CCNI: variants seen among roughly 807,000 people sequenced by gnomAD.
The protein encoded by CCNI is cyclin I, also known as cyclin-I.
In CCNI, 14 loss-of-function variants were observed where a neutral mutation model predicts 34.1. The observed-to-expected ratio is 0.41, with a 90% CI of 0.27 to 0.64. The LOEUF (loss-of-function observed/expected upper bound fraction) is 0.64. Ranked by LOEUF, CCNI falls within the 30% of genes least tolerant of loss-of-function variation. The pLI is 0.31. For missense variants in CCNI, 385 were observed against 440.5 expected, an observed-to-expected ratio of 0.87 and a Z score of 1.13; for synonymous variants, 154 against 158.4, an observed-to-expected ratio of 0.97 and a Z score of 0.21.
intron 5 of CCNI, 72 bp from the exon 6 acceptor site, chr4:77,055,452 C>T: frequency 1.0e-6 from 1 of 1,001,304 alleles, no homozygotes; most frequent in Non-Finnish European, 1.5e-6. Flanking sequence ...ATTGATGCAA[C>T]CTATTCAATT....
chr4:77,064,232 A>G (rs1186619706), intron 2 of CCNI, among the ~76,000 whole-genome samples: 1 of 151,056 alleles, frequency 6.6e-6, no homozygotes, highest in Non-Finnish European at 1.5e-5. Flanking sequence ...AAAAAGAGAA[A>G]AAAACTCCTT....
chr4:77,049,903 A>C (rs1385442223), intron 6 of CCNI, among the ~76,000 whole-genome samples: 2 of 152,146 alleles, frequency 1.3e-5, no homozygotes, highest in African/African-American at 2.4e-5. Flanking sequence ...CTCACTTTCA[A>C]TTACAGCATT....
chr4:77,050,767 C>A (rs1313735167), intron 6 of CCNI, among the ~76,000 whole-genome samples: 2 of 151,308 alleles, frequency 1.3e-5, no homozygotes, highest in African/African-American at 4.9e-5. Flanking sequence ...GTAGAACAAG[C>A]TGAAACATGC....
At chr4:77,073,928 T>C (rs888667727) in intron 1 of CCNI, among the ~76,000 whole-genome samples, 7 of 152,240 alleles carry the variant, frequency 4.6e-5, no homozygotes, top group African/African-American at 1.7e-4. Context: ...GACTACCTAT[T>C]GTTCAAAGCG....
chr4:77,069,955 C>T (rs1388568897), intron 1 of CCNI, among the ~76,000 whole-genome samples: 3 of 151,710 alleles, frequency 2.0e-5, no homozygotes, highest in Admixed American at 6.6e-5. Context: ...TAGCTCCTCA[C>T]GATATTTTGC....
rs1727594895 is a variant in CCNI at position 77,048,453 on chromosome 4, G to C, written c.900C>G (p.Val300=). Residue 300 remains valine (V), a synonymous_variant, in exon 7 of 7, where the codon GTC becomes GTG. Coordinates refer to ENST00000237654, the MANE Select transcript of CCNI (RefSeq NM_006835.3). ...SKDNSKPEVP[V]RGTAAFYHHL... is the part of the protein sequence containing the mutation. The stretch of plus-strand genomic sequence containing the variant: ...GATGGTAAAAGGCTGCTGTACCTCT[G>C]ACTGGCACTTCTGGCTTGCTGTTGT... 3 of 1,613,986 alleles carry C rather than the reference G, an allele frequency of 1.9e-6. No homozygotes were observed. The highest frequency in any genetic ancestry group is 1.7e-6 in the Non-Finnish European group (2 of 1,180,026).
At chr4:77,051,892 A>G (rs981386674) in intron 6 of CCNI, among the ~76,000 whole-genome samples, 6 of 152,046 alleles carry the variant, frequency 3.9e-5, no homozygotes, top group Admixed American at 1.3e-4. Context: ...CTGCTGGAAT[A>G]GTCTGACCAC....
chr4:77,057,593 C>T (rs534922482), intron 3 of CCNI, among the ~76,000 whole-genome samples: 4 of 152,162 alleles, frequency 2.6e-5, no homozygotes, highest in South Asian at 2.1e-4. Flanking sequence ...CTTTTTCATG[C>T]CTTGCCATTA....
intron 1 of CCNI, 135 bp from the exon 2 acceptor site, chr4:77,066,540 G>T (rs1044257986): frequency 6.9e-6 from 4 of 576,454 alleles, no homozygotes; most frequent in Non-Finnish European, 1.2e-5. Context: ...TTAAAATATC[G>T]TATTAAAATA....
At chr4:77,052,073 T>C (rs898646173) in intron 6 of CCNI, among the ~76,000 whole-genome samples, 1 of 151,944 alleles carries the variant, frequency 6.6e-6, no homozygotes. Context: ...GTCAACCAGG[T>C]AGTGAGCACA....
At chr4:77,064,075 C>T (rs1417435517) in intron 2 of CCNI, among the ~76,000 whole-genome samples, 1 of 151,988 alleles carries the variant, frequency 6.6e-6, no homozygotes, top group East Asian at 1.9e-4. Flanking sequence ...AACCCTGTCC[C>T]TACTAAAAAT....
intron 1 of CCNI, among the ~76,000 whole-genome samples, chr4:77,072,595 G>T (rs1158467687): frequency 7.2e-6 from 1 of 139,076 alleles, no homozygotes; most frequent in Non-Finnish European, 1.5e-5. Flanking sequence ...TATGATTACA[G>T]CACCTCACTC....
rs202153959 is a variant in CCNI at position 77,055,270 on chromosome 4, G to A, written c.570C>T (p.Ala190=). 1.3e-5 allele frequency: 21 copies of A among 1,613,998 alleles called. No individual in the cohort carries two copies. In the East Asian group the frequency reaches 1.3e-4, roughly 10 times the overall value. ...CTCTGAATTGCAGAAGTTGGTTGCA[G>A]GCCATACAGTGAAGTAGTTGCTTGG... ...VLTKQLLHCM[A]CNQLLQFRGS... Residue 190 remains alanine (A), a synonymous_variant, in exon 6 of 7, where the codon GCC becomes GCT. Transcript: ENST00000237654.
intron 6 of CCNI, among the ~76,000 whole-genome samples, chr4:77,052,934 T>G (rs144524986): frequency 6.6e-6 from 1 of 152,312 alleles, no homozygotes; most frequent in African/African-American, 2.4e-5. Context: ...ATGACCTTCC[T>G]TTTCTTCACT....
chr4:77,056,585 ACT>A, intron 3 of CCNI: 1 of 294,512 alleles, frequency 3.4e-6, no homozygotes. Flanking sequence ...TCTAGAGCTA[ACT>A]TTTTTTTTTT....
At chr4:77,066,462 A>G in intron 1 of CCNI, 57 bp from the exon 2 acceptor site, 1 of 1,323,136 alleles carries the variant, frequency 7.6e-7, no homozygotes. Context: ...CATTATATAA[A>G]GTACTAATTA....
intron 1 of CCNI, among the ~76,000 whole-genome samples, chr4:77,069,850 T>C (rs763382510): frequency 2.0e-5 from 3 of 151,836 alleles, no homozygotes; most frequent in Non-Finnish European, 2.9e-5. Flanking sequence ...AACTTTAACC[T>C]ACCAAAATCT....
In CCNI at chr4:77,049,016, C is replaced by T. The variant is rs564455682; in HGVS notation, c.691-354G>A. On this transcript the variant is annotated intron_variant, in intron 6 of 6. Transcript: ENST00000237654. ...GTCTATTCCCCCTGTCTGGAAGGCC[C>T]TTCATCCTACTCTCTTGGCCTCTTC... Among the ~76,000 whole-genome samples, 103 of 133,520 alleles carry T rather than the reference C, an allele frequency of 7.7e-4. 1 individual carries two copies. The highest frequency in any genetic ancestry group is 2.9e-3 in the African/African-American group (99 of 34,052). 87.6% of individuals were successfully genotyped at this position (133,520 alleles called of 152,430 possible). A position where few individuals can be genotyped will look rare whatever the true frequency, so the allele number is the denominator to read the frequency against.
intron 1 of CCNI, among the ~76,000 whole-genome samples, chr4:77,072,689 C>A (rs1729579527): frequency 6.7e-6 from 1 of 148,798 alleles, no homozygotes; most frequent in Non-Finnish European, 1.5e-5. Flanking sequence ...CAATACCTGA[C>A]CCTCAACTAG....
Sources: allele counts gnomAD v4.1 joint callset (sites outside exome capture counted in the v4.1 genomes callset), GRCh38; gene constraint gnomAD v4.1.1; transcripts MANE v1.5; gene names NCBI Gene and HGNC (gene_info 2026-07-23, HGNC 2026-07-21).